The following PPM1L variants were observed in gnomAD, a reference collection of about 807,000 sequenced individuals.
PPM1L encodes protein phosphatase, Mg2+/Mn2+ dependent 1L.
PPM1L carries 13 observed loss-of-function variants against 31.4 expected under a neutral mutation model. The observed-to-expected ratio is 0.41, with a 90% CI of 0.27 to 0.66. The LOEUF (loss-of-function observed/expected upper bound fraction) is 0.66, where lower values mean the gene tolerates loss of function less well. Among genes scored for constraint, PPM1L ranks in the 30% least tolerant of loss-of-function variants. The probability of loss-of-function intolerance (pLI) is 0.29; values close to 1 mark genes in which losing one functional copy is unlikely to be tolerated. For synonymous variants in PPM1L, 184 were observed against 175.4 expected (o/e 1.05, Z -0.39); for missense variants, 326 against 453.7 (o/e 0.72, Z 2.56).
At chr3:160,847,235 A>G (rs1714104135) in intron 1 of PPM1L, among the ~76,000 whole-genome samples, 1 of 152,200 alleles carries the variant, frequency 6.6e-6, no homozygotes, top group South Asian at 2.1e-4. Flanking sequence ...TCAAGGTCAC[A>G]TATATTTGGG....
At chr3:160,902,469 G>A (rs1291003367) in intron 1 of PPM1L, among the ~76,000 whole-genome samples, 1 of 152,106 alleles carries the variant, frequency 6.6e-6, no homozygotes, top group African/African-American at 2.4e-5. Context: ...AAATGGGCAG[G>A]CAGCTTTGCA....
chr3:161,045,984 G>A (rs1384126863), intron 2 of PPM1L, among the ~76,000 whole-genome samples: 2 of 151,762 alleles, frequency 1.3e-5, no homozygotes, highest in Non-Finnish European at 2.9e-5. Context: ...GGTGGCAGGT[G>A]CCTGTAGTCC....
In PPM1L at chr3:160,895,361, C is replaced by T. The variant is rs371026757; in HGVS notation, c.400-66375C>T. ...CTGAGTAGCTGGGACTACAGGTGTGCACCACTGTGCCTGGCTAATTTTTTT... is the reference window on the plus strand; with the variant it reads ...CTGAGTAGCTGGGACTACAGGTGTGTACCACTGTGCCTGGCTAATTTTTTT... On this transcript the variant is annotated intron_variant, in intron 1 of 3. Coordinates refer to ENST00000498165, the MANE Select transcript of PPM1L (RefSeq NM_139245.4). Among the ~76,000 whole-genome samples, 33 of 149,532 alleles carry T rather than the reference C, an allele frequency of 2.2e-4. No homozygotes were observed. In the East Asian group the frequency reaches 3.7e-3, roughly 17 times the overall value.
intron 1 of PPM1L, among the ~76,000 whole-genome samples, chr3:160,932,818 G>C (rs1714831171): frequency 6.6e-6 from 1 of 152,134 alleles, no homozygotes; most frequent in Non-Finnish European, 1.5e-5. Flanking sequence ...TTGAATTTCA[G>C]CCTCATCATT....
At chr3:160,989,880 G>A (rs1258397505) in intron 2 of PPM1L, among the ~76,000 whole-genome samples, 2 of 151,998 alleles carry the variant, frequency 1.3e-5, no homozygotes, top group African/African-American at 4.8e-5. Context: ...GCCCAGACTA[G>A]TCTTGAACTC....
At chr3:160,910,106 A>G (rs182212775) in intron 1 of PPM1L, among the ~76,000 whole-genome samples, 29 of 152,312 alleles carry the variant, frequency 1.9e-4, no homozygotes, top group Admixed American at 5.9e-4. Flanking sequence ...CAGAAGAACA[A>G]TAATGCTTAC....
intron 2 of PPM1L, among the ~76,000 whole-genome samples, chr3:160,988,825 G>C (rs1367317158): frequency 1.3e-5 from 2 of 152,144 alleles, no homozygotes; most frequent in Admixed American, 6.5e-5. Flanking sequence ...GTTAACAGAA[G>C]ATGTCTGTAC....
At chr3:161,056,332 A>G (rs1719412252) in intron 2 of PPM1L, among the ~76,000 whole-genome samples, 1 of 152,138 alleles carries the variant, frequency 6.6e-6, no homozygotes, top group African/African-American at 2.4e-5. Context: ...TGTCACCACT[A>G]TTCCTCTGAG....
At chr3:160,869,466 C>CTGTA (rs1319420078) in intron 1 of PPM1L, among the ~76,000 whole-genome samples, 1 of 152,126 alleles carries the variant, frequency 6.6e-6, no homozygotes, top group Non-Finnish European at 1.5e-5. Context: ...AGGCATAAGG[C>CTGTA]TGTAACCTTA....
At chr3:160,965,466 A>T (rs1329846425) in intron 2 of PPM1L, among the ~76,000 whole-genome samples, 5 of 152,038 alleles carry the variant, frequency 3.3e-5, no homozygotes, top group Admixed American at 3.3e-4. Flanking sequence ...GAGATTCAAC[A>T]CTTTATTCCC....
At chr3:161,018,705 T>C (rs1339967114) in intron 2 of PPM1L, among the ~76,000 whole-genome samples, 1 of 152,230 alleles carries the variant, frequency 6.6e-6, no homozygotes, top group African/African-American at 2.4e-5. Flanking sequence ...ATAATGTTTC[T>C]AACAATATCA....
At chr3:161,038,015 C>T (rs954706486) in intron 2 of PPM1L, among the ~76,000 whole-genome samples, 5 of 151,662 alleles carry the variant, frequency 3.3e-5, no homozygotes, top group Non-Finnish European at 7.4e-5. Context: ...GGGCGGATCA[C>T]GAGGTCAGGA....
intron 1 of PPM1L, among the ~76,000 whole-genome samples, chr3:160,857,926 G>A (rs946383510): frequency 6.6e-6 from 1 of 152,112 alleles, no homozygotes; most frequent in African/African-American, 2.4e-5. Context: ...TTCCCATTTT[G>A]GGTGTGGAAG....
In PPM1L at chr3:161,075,353, CTA is replaced by C. The variant is rs1298491511; in HGVS notation, c.*6203_*6204del. The C allele has an allele frequency of 1.3e-5, 2 of 152,090 alleles. No individual in the cohort carries two copies. Among genetic ancestry groups the C allele is most frequent in the Non-Finnish European group, 2.9e-5 (2 of 68,024 alleles). 9.4% of individuals were successfully genotyped at this position (152,090 alleles called of 1,614,324 possible). A position where few individuals can be genotyped will look rare whatever the true frequency, so the allele number is the denominator to read the frequency against. On this transcript the variant is annotated 3_prime_UTR_variant, in exon 4 of 4. Transcript: ENST00000498165. ...AGAAATGTGGATTATCAGATTTTTA[CTA>C]TATATAGGTTGTGTTTAATAGTAAT...
chr3:160,979,821 C>A (rs1015781231), intron 2 of PPM1L, among the ~76,000 whole-genome samples: 3 of 152,184 alleles, frequency 2.0e-5, no homozygotes, highest in Admixed American at 6.5e-5. Context: ...GAATGTAATA[C>A]CACAGAAAAT....
chr3:160,927,997 T>C (rs926212671), intron 1 of PPM1L, among the ~76,000 whole-genome samples: 2 of 152,226 alleles, frequency 1.3e-5, no homozygotes, highest in Non-Finnish European at 2.9e-5. Flanking sequence ...AATTTTAGAA[T>C]GTTAGAGGTA....
rs971127631 is a variant in PPM1L, at chr3:160,756,244, T to C, written c.-65T>C. 1 of 1,546,450 alleles carries C rather than the reference T, an allele frequency of 6.5e-7. No individual in the cohort carries two copies. The highest frequency in any genetic ancestry group is 8.8e-7 in the Non-Finnish European group (1 of 1,140,390). ...TCCCGGCGGGCTGTCCCCGCAGTGC[T>C]CCCGGACCCGGCGAGCCTTCGGGGC... On this transcript the variant is annotated 5_prime_UTR_variant, in exon 1 of 4. Transcript: ENST00000498165. The surrounding 1 kb of genome is among the most constrained non-coding windows in gnomAD (Gnocchi z 6.2).
intron 1 of PPM1L, among the ~76,000 whole-genome samples, chr3:160,875,395 T>C (rs1180134980): frequency 6.6e-6 from 1 of 152,244 alleles, no homozygotes; most frequent in Non-Finnish European, 1.5e-5. Context: ...TATTTATAGT[T>C]GTGTGACAGC....
intron 1 of PPM1L, among the ~76,000 whole-genome samples, chr3:160,778,407 T>C (rs1166215583): frequency 6.6e-6 from 1 of 152,208 alleles, no homozygotes; most frequent in Non-Finnish European, 1.5e-5. Context: ...AACTCCTGTG[T>C]ACCCTTTGTT....
Sources: gnomAD v4.1 joint callset for allele counts (sites outside exome capture counted in the v4.1 genomes callset) on GRCh38, gnomAD v4.1.1 for gene constraint, Gnocchi (gnomAD v3.1) non-coding constraint, MANE v1.5 for transcripts, NCBI Gene and HGNC (gene_info 2026-07-23, HGNC 2026-07-21) for gene names.